Variants in TIAM1 observed in about 807,000 individuals in gnomAD.
The protein encoded by TIAM1 is rho guanine nucleotide exchange factor TIAM1.
Under a neutral mutation model 163.5 loss-of-function variants are expected in TIAM1, and 65 were observed. The observed-to-expected ratio is 0.40, with a 90% CI of 0.33 to 0.49. The LOEUF (loss-of-function observed/expected upper bound fraction) is 0.49. Among genes scored for constraint, TIAM1 ranks in the 20% least tolerant of loss-of-function variants. The probability of loss-of-function intolerance (pLI) is 0.77; values close to 1 mark genes in which losing one functional copy is unlikely to be tolerated. For synonymous variants in TIAM1, 833 were observed against 810.1 expected (o/e 1.03, Z -0.48); for missense variants, 1,789 against 2,044.7 (o/e 0.87, Z 2.41).
At chr21:31,380,090 C>T (rs1386186754) in intron 2 of TIAM1, among the ~76,000 whole-genome samples, 1 of 152,086 alleles carries the variant, frequency 6.6e-6, no homozygotes, top group Non-Finnish European at 1.5e-5. Context: ...TGGTGAAACC[C>T]TGTCTCTACT....
Position 31,442,070 on chromosome 21 carries a change from A to AATATATATATATATATATAT in TIAM1, c.-369+21912_-369+21913insATATATATATATATATATAT, listed in dbSNP as rs138822110. Among the ~76,000 whole-genome samples the AATATATATATATATATATAT allele has an allele frequency of 7.0e-3, 374 of 53,160 alleles. 45 individuals are homozygous for AATATATATATATATATATAT. The highest frequency in any genetic ancestry group is 0.019 in the Middle Eastern group (2 of 106). The allele number at this position is 53,160 out of a possible 152,430, so 34.9% of individuals were successfully genotyped here. A position where few individuals can be genotyped will look rare whatever the true frequency, so the allele number is the denominator to read the frequency against. On this transcript the variant is annotated intron_variant, in intron 2 of 28. Transcript: ENST00000286827. Reference sequence around the variant, plus strand: ...GACCCTATCTCAGAACAAATAAATAAATATATATATATATATAGAACAATA... The same window carrying AATATATATATATATATATAT: ...GACCCTATCTCAGAACAAATAAATAAATATATATATATATATATATATATATATATATATATAGAACAATA...
intron 2 of TIAM1, among the ~76,000 whole-genome samples, chr21:31,313,461 T>C (rs1027475831): frequency 3.9e-5 from 6 of 152,208 alleles, no homozygotes; most frequent in Non-Finnish European, 8.8e-5. Flanking sequence ...TTGCAACATT[T>C]GTAGGTGAAC....
At chr21:31,288,988 T>C (rs974105261) in intron 2 of TIAM1, among the ~76,000 whole-genome samples, 3 of 152,230 alleles carry the variant, frequency 2.0e-5, no homozygotes, top group African/African-American at 7.2e-5. Flanking sequence ...GAACTCACTC[T>C]TATTATTTAA....
intron 2 of TIAM1, among the ~76,000 whole-genome samples, chr21:31,280,639 A>T (rs1461386163): frequency 1.3e-5 from 2 of 152,296 alleles, no homozygotes; most frequent in East Asian, 3.9e-4. Flanking sequence ...TCAGGCTTCA[A>T]ATACCCGCAA....
intron 2 of TIAM1, among the ~76,000 whole-genome samples, chr21:31,387,144 G>C (rs927529503): frequency 6.6e-6 from 1 of 150,388 alleles, no homozygotes; most frequent in South Asian, 2.1e-4. Flanking sequence ...GTCCCACCCC[G>C]AGAGCAGACT....
At chr21:31,473,429 CAAAAAAAAAA>C (rs56691495) in intron 1 of TIAM1, among the ~76,000 whole-genome samples, 7 of 75,676 alleles carry the variant, frequency 9.2e-5, no homozygotes, top group South Asian at 6.4e-4. Context: ...GACTCCATCT[CAAAAAAAAAA>C]AAAAAAAAAA....
At chr21:31,459,388 T>C (rs1052733263) in intron 2 of TIAM1, among the ~76,000 whole-genome samples, 1 of 152,154 alleles carries the variant, frequency 6.6e-6, no homozygotes, top group African/African-American at 2.4e-5. Flanking sequence ...AGAATGGACA[T>C]TATGCAGGCA....
chr21:31,416,788 T>C (rs68082519), intron 2 of TIAM1, among the ~76,000 whole-genome samples: 5,682 of 152,296 alleles, frequency 0.037, 176 homozygotes, highest in East Asian at 0.11. Context: ...ACCACTTTGC[T>C]TACATGACAC....
chr21:31,236,415 T>C (rs1191725311), intron 6 of TIAM1, among the ~76,000 whole-genome samples: 1 of 152,144 alleles, frequency 6.6e-6, no homozygotes, highest in Non-Finnish European at 1.5e-5. Flanking sequence ...AAACAGGACT[T>C]AGCTACAGAC....
chr21:31,434,671 T>C (rs993392533), intron 2 of TIAM1, among the ~76,000 whole-genome samples: 5 of 152,254 alleles, frequency 3.3e-5, no homozygotes, highest in African/African-American at 1.2e-4. Context: ...AACCGTGTTT[T>C]AATTGCAGTT....
At chr21:31,557,992 C>T (rs1171955725) in intron 1 of TIAM1, among the ~76,000 whole-genome samples, 2 of 152,122 alleles carry the variant, frequency 1.3e-5, no homozygotes, top group Admixed American at 1.3e-4. Context: ...TCCCCTGCAG[C>T]ATCCCGCCCC....
chr21:31,195,116 T>C (rs542196879), intron 13 of TIAM1, 108 bp downstream of exon 13: 7 of 789,322 alleles, frequency 8.9e-6, no homozygotes, highest in East Asian at 2.7e-5. Context: ...CCAGATATAC[T>C]ATCTGTTTTA....
intron 1 of TIAM1, among the ~76,000 whole-genome samples, chr21:31,554,082 G>A (rs2048788842): frequency 6.6e-6 from 1 of 152,158 alleles, no homozygotes; most frequent in Non-Finnish European, 1.5e-5. Flanking sequence ...AGGGAGGCAG[G>A]AGAACGCTCC....
intron 8 of TIAM1, among the ~76,000 whole-genome samples, chr21:31,222,695 ATATATATATATATTTTT>A (rs2087644033): frequency 2.8e-5 from 1 of 35,834 alleles, no homozygotes; most frequent in Middle Eastern, 6.9e-3. Flanking sequence ...ATATATATAT[ATATATATATATATTTTT>A]TTTTTTTTTT....
At chr21:31,133,824 C>A (rs1437966420) in intron 23 of TIAM1, among the ~76,000 whole-genome samples, 1 of 152,164 alleles carries the variant, frequency 6.6e-6, no homozygotes, top group African/African-American at 2.4e-5. Flanking sequence ...AATCCCAGCA[C>A]TTTGGGAGGC....
chr21:31,258,711 A>C (rs1160914917), intron 4 of TIAM1, among the ~76,000 whole-genome samples: 1 of 151,740 alleles, frequency 6.6e-6, no homozygotes, highest in African/African-American at 2.4e-5. Context: ...GCTACTCCGG[A>C]GGCTGAGGCA....
Position 31,266,482 on chromosome 21 carries a change from C to A in TIAM1, c.491G>T (p.Ser164Ile), listed in dbSNP as rs1235850217. Residue 164 changes from serine (S) to isoleucine (I), a missense_variant, in exon 4 of 28, where the codon AGC (serine) becomes ATC (isoleucine). Coordinates refer to ENST00000541036, the MANE Select transcript of TIAM1 (RefSeq NM_001353694.2). ...SNGPTFMETASFKKKRSKSAD... is the reference protein window; with the variant it reads ...SNGPTFMETAIFKKKRSKSAD... ...AGATTTGGAGCGTTTCTTCTTAAAG[C>A]TCGCCGTCTCCATGAAAGTGGGCCC... is the stretch of plus-strand genomic sequence containing the variant. The A allele has an allele frequency of 6.2e-7, 1 of 1,614,200 alleles. No homozygotes were observed. Among genetic ancestry groups the A allele is most frequent in the Admixed American group, 1.7e-5 (1 of 60,026 alleles).
At chr21:31,389,167 T>C (rs1188565135) in intron 2 of TIAM1, among the ~76,000 whole-genome samples, 1 of 152,216 alleles carries the variant, frequency 6.6e-6, no homozygotes, top group Non-Finnish European at 1.5e-5. Context: ...TCACAAAGTA[T>C]TCTTCTTATG....
chr21:31,195,227 A>G lies in TIAM1; in HGVS notation c.2572T>C (p.Tyr858His). 2 of 1,608,866 alleles carry G rather than the reference A, an allele frequency of 1.2e-6. No individual in the cohort carries two copies. The highest frequency in any genetic ancestry group is 1.7e-6 in the Non-Finnish European group (2 of 1,176,196). ...IEKSDTAADT[Y>H]GFSLSSVEED... Reference sequence around the variant, plus strand: ...AAACAAAGAAAAATAAACTTACCGTAAGTATCAGCAGCTGTATCTGACTTC... The same window carrying G: ...AAACAAAGAAAAATAAACTTACCGTGAGTATCAGCAGCTGTATCTGACTTC... The change falls in exon 13 of 28, where the codon TAC (tyrosine) becomes CAC (histidine). Residue 858 changes from tyrosine (Y) to histidine (H), a missense_variant. Around this residue, in one of 5 missense-constraint regions of TIAM1, gnomAD observed 456 missense variants for 586.6 expected, o/e 0.78. Coordinates refer to ENST00000541036, the MANE Select transcript of TIAM1 (RefSeq NM_001353694.2).
Sources: allele counts gnomAD v4.1 joint callset (sites outside exome capture counted in the v4.1 genomes callset), GRCh38; gene constraint gnomAD v4.1.1; regional missense constraint gnomAD v4.1.1; transcripts MANE v1.5; gene names NCBI Gene and HGNC (gene_info 2026-07-23, HGNC 2026-07-21).